The following APCDD1L variants were observed in gnomAD, a reference collection of about 807,000 sequenced individuals.
The protein encoded by APCDD1L is protein APCDD1-like.
In APCDD1L, 21 loss-of-function variants were observed where a neutral mutation model predicts 24.2. The observed-to-expected ratio is 0.87, with a 90% CI of 0.61 to 1.25. The LOEUF (loss-of-function observed/expected upper bound fraction) is 1.25. APCDD1L is among the 50% of genes most tolerant of loss of function. The pLI is 0.00. For missense variants in APCDD1L, 704 were observed against 711.7 expected (o/e 0.99, Z 0.12); for synonymous variants, 321 against 323.6 (o/e 0.99, Z 0.09).
intron 1 of APCDD1L, among the ~76,000 whole-genome samples, chr20:58,490,095 T>C (rs998772606): frequency 6.6e-6 from 1 of 152,238 alleles, no homozygotes; most frequent in African/African-American, 2.4e-5. Flanking sequence ...TTCATATTTT[T>C]ATTTTCTATG....
chr20:58,499,646 A>C (rs1990393855), intron 1 of APCDD1L, among the ~76,000 whole-genome samples: 1 of 152,216 alleles, frequency 6.6e-6, no homozygotes, highest in Non-Finnish European at 1.5e-5. Context: ...AAGCACGTTC[A>C]TAGGAAGGGG....
At chr20:58,470,060 C>G (rs1171304465) in intron 2 of APCDD1L, among the ~76,000 whole-genome samples, 1 of 152,190 alleles carries the variant, frequency 6.6e-6, no homozygotes, top group Admixed American at 6.5e-5. Flanking sequence ...GATGGGTGCA[C>G]CCAGGCTCTC....
intron 1 of APCDD1L, among the ~76,000 whole-genome samples, chr20:58,489,426 G>C (rs1223474239): frequency 6.6e-6 from 1 of 152,000 alleles, no homozygotes; most frequent in African/African-American, 2.4e-5. Flanking sequence ...GCTCACACCT[G>C]TAATCCCAGT....
intron 1 of APCDD1L, among the ~76,000 whole-genome samples, chr20:58,489,683 T>C (rs1193979174): frequency 9.8e-6 from 1 of 102,146 alleles, no homozygotes; most frequent in African/African-American, 3.8e-5. Context: ...AAACTTTGTG[T>C]GGAAAAAAAA....
intron 1 of APCDD1L, among the ~76,000 whole-genome samples, chr20:58,489,201 A>G (rs1990177228): frequency 6.6e-6 from 1 of 152,126 alleles, no homozygotes; most frequent in Admixed American, 6.5e-5. Context: ...AACCCAAACC[A>G]ACACCAAACA....
chr20:58,461,044 G>C lies in APCDD1L; in HGVS notation c.1252C>G (p.Gln418Glu). 6.2e-7 allele frequency: 1 copy of C among 1,614,120 alleles called. No individual in the cohort carries two copies. The highest frequency in any genetic ancestry group is 1.1e-5 in the South Asian group (1 of 91,086). Residue 418 changes from glutamine (Q) to glutamate (E), a missense_variant, in exon 4 of 4, where the codon CAA becomes GAA. Gln to Glu is a conservative substitution (Grantham distance 29). Transcript: ENST00000371149. The surrounding 1 kb of genome is among the most constrained non-coding windows in gnomAD (Gnocchi z 6.0). ...AGCAGGCTTTGCCCGAGGGGGTCTT[G>C]TTCCATCTTGAAAAGCTCGTACTCC... is the stretch of plus-strand genomic sequence containing the variant. ...HVEYELFKMEQDPLGQSLLFI... is the reference protein window; with the variant it reads ...HVEYELFKMEEDPLGQSLLFI...
Position 58,514,661 on chromosome 20 carries a change from C to A in APCDD1L, c.47G>T (p.Gly16Val). Reference protein sequence around the residue: ...LPYACVLVLLGAHTAPAAGEA... With the variant: ...LPYACVLVLLVAHTAPAAGEA... ...GGGTGGGGGAGGGTGGCACCTACCTCCCAAAAGCACCAGGACGCAAGCGTA... is the reference window on the plus strand; with the variant it reads ...GGGTGGGGGAGGGTGGCACCTACCTACCAAAAGCACCAGGACGCAAGCGTA... The change falls in exon 1 of 4, where the codon GGA becomes GTA. Residue 16 changes from glycine (G) to valine (V), a missense_variant and splice_region_variant. Physicochemically the swap from Gly to Val is moderately radical, Grantham distance 109. Coordinates refer to ENST00000371149, the MANE Select transcript of APCDD1L (RefSeq NM_153360.3). The A allele has an allele frequency of 1.5e-6, 2 of 1,314,662 alleles. No homozygotes were observed. 81.4% of individuals were successfully genotyped at this position (1,314,662 alleles called of 1,614,324 possible). A position where few individuals can be genotyped will look rare whatever the true frequency, so the allele number is the denominator to read the frequency against.
At chr20:58,493,871 C>G (rs566446549) in intron 1 of APCDD1L, among the ~76,000 whole-genome samples, 2 of 152,312 alleles carry the variant, frequency 1.3e-5, no homozygotes, top group Admixed American at 1.3e-4. Flanking sequence ...GTGCCCCACA[C>G]AGTTGAAAAT....
At chr20:58,512,229 C>G (rs2123200628) in intron 1 of APCDD1L, among the ~76,000 whole-genome samples, 1 of 152,330 alleles carries the variant, frequency 6.6e-6, no homozygotes, top group Non-Finnish European at 1.5e-5. Flanking sequence ...TCTTGGGGCC[C>G]CACTGTGCCT....
intron 1 of APCDD1L, among the ~76,000 whole-genome samples, chr20:58,477,698 C>G (rs1313758243): frequency 1.3e-5 from 2 of 152,260 alleles, no homozygotes; most frequent in East Asian, 3.8e-4. Context: ...ATTTTAGCAT[C>G]TATTGATAAC....
intron 1 of APCDD1L, among the ~76,000 whole-genome samples, chr20:58,503,324 CAG>C (rs1293715106): frequency 6.6e-6 from 1 of 152,220 alleles, no homozygotes; most frequent in Non-Finnish European, 1.5e-5. Context: ...GTCTTAATTT[CAG>C]TCTGTGGTTT....
intron 1 of APCDD1L, among the ~76,000 whole-genome samples, chr20:58,500,500 C>G (rs1990413719): frequency 6.6e-6 from 1 of 152,224 alleles, no homozygotes. Context: ...CAGTCCTGCA[C>G]CTGGCCCATA....
chr20:58,479,210 G>A (rs1023842078), intron 1 of APCDD1L, among the ~76,000 whole-genome samples: 3 of 152,084 alleles, frequency 2.0e-5, no homozygotes, highest in Admixed American at 1.3e-4. Flanking sequence ...TATTTTATCC[G>A]GCTCCAAGTA....
At chr20:58,473,083 G>T (rs1989843593) in intron 1 of APCDD1L, among the ~76,000 whole-genome samples, 1 of 152,162 alleles carries the variant, frequency 6.6e-6, no homozygotes, top group South Asian at 2.1e-4. Flanking sequence ...GCGAGGAAAA[G>T]GATCAAAAGG....
rs1339467371 is a variant in APCDD1L, at chr20:58,467,370, C to A, written c.477G>T (p.Ala159=). ...AGGCCCGGGCCGGAGGCAGCCGCCG[C>A]GCGCAGTCCCGGCCGGCGCGGGTCT... ...LNQTRAGRDC[A]RRLPPARAWL... is the part of the protein sequence containing the mutation. The change falls in exon 3 of 4, where the codon GCG becomes GCT. Residue 159 remains alanine, a synonymous_variant. Coordinates refer to ENST00000371149, the MANE Select transcript of APCDD1L (RefSeq NM_153360.3). The surrounding 1 kb of genome is among the most constrained non-coding windows in gnomAD (Gnocchi z 5.9). 6 of 1,476,124 alleles carry A rather than the reference C, an allele frequency of 4.1e-6. No homozygotes were observed. Among genetic ancestry groups the A allele is most frequent in the South Asian group, 4.0e-5 (3 of 74,542 alleles). The allele number at this position is 1,476,124 out of a possible 1,614,324, so 91.4% of individuals were successfully genotyped here. A position where few individuals can be genotyped will look rare whatever the true frequency, so the allele number is the denominator to read the frequency against.
intron 1 of APCDD1L, among the ~76,000 whole-genome samples, chr20:58,474,204 G>C (rs1989866026): frequency 6.6e-6 from 1 of 152,228 alleles, no homozygotes; most frequent in African/African-American, 2.4e-5. Context: ...CAGCGTGTCA[G>C]TACCTTGGCA....
intron 2 of APCDD1L, among the ~76,000 whole-genome samples, chr20:58,469,913 G>A (rs1342936895): frequency 3.3e-5 from 5 of 152,316 alleles, no homozygotes; most frequent in Middle Eastern, 3.4e-3. Context: ...CCCGATCCCT[G>A]CCCCAGGAGT....
At chr20:58,473,062 A>G (rs1889318854) in intron 1 of APCDD1L, among the ~76,000 whole-genome samples, 1 of 152,208 alleles carries the variant, frequency 6.6e-6, no homozygotes, top group Non-Finnish European at 1.5e-5. Flanking sequence ...GGGGGAATGG[A>G]TGAAAACAGA....
rs1388982759 is a variant in APCDD1L, at chr20:58,497,618, A to G, written c.49+17041T>C. On this transcript the variant is annotated intron_variant, in intron 1 of 3. Transcript: ENST00000371149. The surrounding 1 kb of genome is among the most constrained non-coding windows in gnomAD (Gnocchi z 4.3). ...GTCTGCGTCCAAATATCCCCTTTCT[A>G]TGAGGATACTAGTCATGCTGGATGA... is the stretch of plus-strand genomic sequence containing the variant. Among the ~76,000 whole-genome samples, 2 of 151,872 alleles carry G rather than the reference A, an allele frequency of 1.3e-5. No homozygotes were observed. The highest frequency in any genetic ancestry group is 2.9e-5 in the Non-Finnish European group (2 of 67,990).
Sources: allele counts gnomAD v4.1 joint callset (sites outside exome capture counted in the v4.1 genomes callset), GRCh38; gene constraint gnomAD v4.1.1; non-coding constraint Gnocchi (gnomAD v3.1); transcripts MANE v1.5; gene names NCBI Gene and HGNC (gene_info 2026-07-23, HGNC 2026-07-21).